Variants in CAPN2 observed in about 807,000 individuals in gnomAD.
CAPN2 encodes the protein calpain 2.
In CAPN2, 92 loss-of-function variants were observed where a neutral mutation model predicts 102.3. The observed-to-expected ratio is 0.90, with a 90% CI of 0.76 to 1.07. The LOEUF (loss-of-function observed/expected upper bound fraction) is 1.07, where lower values mean the gene tolerates loss of function less well. CAPN2 is among the 50% of genes least tolerant of loss of function. The pLI is 0.00. For missense variants in CAPN2, 800 were observed against 909.4 expected (o/e 0.88, Z 1.55); for synonymous variants, 340 against 355.4 (o/e 0.96, Z 0.49).
chr1:223,760,089 C>T (rs771216483), intron 12 of CAPN2, among the ~76,000 whole-genome samples: 5 of 152,200 alleles, frequency 3.3e-5, no homozygotes, highest in African/African-American at 4.8e-5. Flanking sequence ...CATGTATGTT[C>T]AGCTGGGCAC....
chr1:223,711,674 G>A (rs920524350), upstream of CAPN2, among the ~76,000 whole-genome samples: 1 of 152,190 alleles, frequency 6.6e-6, no homozygotes, highest in African/African-American at 2.4e-5. Flanking sequence ...GCAGTGGCGC[G>A]ATCTCGTCTC....
intron 11 of CAPN2, chr1:223,757,615 G>A (rs1257507308): frequency 3.5e-6 from 2 of 569,990 alleles, no homozygotes; most frequent in African/African-American, 1.9e-5. Flanking sequence ...CTGTGACCTG[G>A]CAGAGCCCAT....
intron 2 of CAPN2, among the ~76,000 whole-genome samples, chr1:223,736,842 T>G (rs1050933115): frequency 3.3e-5 from 5 of 152,076 alleles, no homozygotes; most frequent in African/African-American, 1.2e-4. Context: ...ACCAGGAGTT[T>G]GAGACTAGCC....
At chr1:223,710,029 C>T (rs573946266), upstream of CAPN2, among the ~76,000 whole-genome samples, 15 of 152,222 alleles carry the variant, frequency 9.9e-5, no homozygotes, top group East Asian at 1.9e-4. Context: ...AATCCCAACA[C>T]TTTGGGAAGC....
At position 223,761,619 on chromosome 1, in the gene CAPN2, T is replaced by C; in HGVS notation, c.1566+2T>C. Reference sequence around the variant, plus strand: ...GAAATCGAGGCCAATCTTGAAGAGGTATTTGTAACTCTTTGAATTTCACCC... The same window carrying C: ...GAAATCGAGGCCAATCTTGAAGAGGCATTTGTAACTCTTTGAATTTCACCC... On this transcript the variant is annotated splice_donor_variant, in intron 13 of 20. Coordinates refer to ENST00000295006, the MANE Select transcript of CAPN2 (RefSeq NM_001748.5). LOFTEE classifies it high-confidence loss of function. The C allele has an allele frequency of 6.2e-7, 1 of 1,610,308 alleles. No individual in the cohort carries two copies. Among genetic ancestry groups the C allele is most frequent in the East Asian group, 2.2e-5 (1 of 44,820 alleles).
chr1:223,746,235 G>A (rs533685776), intron 4 of CAPN2, among the ~76,000 whole-genome samples: 45 of 152,300 alleles, frequency 3.0e-4, no homozygotes, highest in African/African-American at 1.1e-3. Context: ...CAATACTGGG[G>A]TCAGGGAAGC....
upstream of CAPN2, among the ~76,000 whole-genome samples, chr1:223,710,164 T>C (rs942042502): frequency 6.6e-6 from 1 of 152,046 alleles, no homozygotes; most frequent in Non-Finnish European, 1.5e-5. Flanking sequence ...TAATCCCAGC[T>C]ACGTTGGAGG....
chr1:223,761,583 C>T lies in CAPN2; in HGVS notation c.1532C>T (p.Ala511Val). ...ACATAATTTCCTTCTATTTCCAGAG[C>T]TGTCGATGATGAAATCGAGGCCAAT... ...VFSEKKADYQ[A>V]VDDEIEANLE... is the part of the protein sequence containing the mutation. The change falls in exon 13 of 21, where the codon GCT (alanine) becomes GTT (valine). Residue 511 changes from alanine (A) to valine (V), a missense_variant and splice_region_variant. By Grantham distance (64) the Ala-to-Val change is moderately conservative. Coordinates refer to ENST00000295006, the MANE Select transcript of CAPN2 (RefSeq NM_001748.5). The T allele has an allele frequency of 6.2e-7, 1 of 1,612,484 alleles. No homozygotes were observed. The highest frequency in any genetic ancestry group is 8.5e-7 in the Non-Finnish European group (1 of 1,178,738).
chr1:223,742,526 T>A (rs1402836930), intron 2 of CAPN2, among the ~76,000 whole-genome samples: 1,518 of 117,054 alleles, frequency 0.013, 25 homozygotes, highest in African/African-American at 0.051. Context: ...ATATTTTTTT[T>A]TTTTTTTTTG....
At chr1:223,747,353 T>A (rs1660774599) in intron 5 of CAPN2, among the ~76,000 whole-genome samples, 188 bp downstream of exon 5, 1 of 152,114 alleles carries the variant, frequency 6.6e-6, no homozygotes, top group Non-Finnish European at 1.5e-5. Context: ...AAAGGAAGAC[T>A]AATACAAGAA....
Position 223,764,284 on chromosome 1 carries a change from CTCCA to C in CAPN2, c.1690+79_1690+82del. 3.1e-6 allele frequency: 4 copies of C among 1,281,568 alleles called. No homozygotes were observed. The South Asian group carries it at 4.8e-5, about 15-fold the overall frequency. The allele number at this position is 1,281,568 out of a possible 1,614,324, so 79.4% of individuals were successfully genotyped here. A position where few individuals can be genotyped will look rare whatever the true frequency, so the allele number is the denominator to read the frequency against. The stretch of plus-strand genomic sequence containing the variant: ...GGAGGGAACATGGAAATCTTTCCCC[CTCCA>C]TGTCTGGCTGCTGTGACTAAACCAC... On this transcript the variant is annotated intron_variant, in intron 15 of 20. Coordinates refer to ENST00000295006, the MANE Select transcript of CAPN2 (RefSeq NM_001748.5).
At chr1:223,748,654 C>T (rs902241715) in intron 5 of CAPN2, among the ~76,000 whole-genome samples, 32 of 151,412 alleles carry the variant, frequency 2.1e-4, no homozygotes, top group African/African-American at 7.4e-4. Flanking sequence ...CATCGAGGAC[C>T]CCCTCCGGCC....
chr1:223,719,504 A>C (rs1202358309), intron 2 of CAPN2, among the ~76,000 whole-genome samples: 1 of 152,216 alleles, frequency 6.6e-6, no homozygotes, highest in Non-Finnish European at 1.5e-5. Flanking sequence ...GCACCACTGC[A>C]CTTCAGCCGG....
At position 223,769,798 on chromosome 1, in the gene CAPN2, G is replaced by A. The variant is rs746132819; in HGVS notation, c.1756-43G>A. ...GAAGACAAACTAGGTGACACTATGT[G>A]CAAATGGACCCACACTCAAGGGCTT... On this transcript the variant is annotated intron_variant, in intron 16 of 20. Coordinates refer to ENST00000295006, the MANE Select transcript of CAPN2 (RefSeq NM_001748.5). The A allele has an allele frequency of 1.9e-5, 28 of 1,492,670 alleles. 1 individual carries two copies. The East Asian group carries it at 6.1e-4, about 32-fold the overall frequency. The allele number at this position is 1,492,670 out of a possible 1,614,324, so 92.5% of individuals were successfully genotyped here. A position where few individuals can be genotyped will look rare whatever the true frequency, so the allele number is the denominator to read the frequency against.
rs1316204123 is a variant in CAPN2 at position 223,775,020 on chromosome 1, G to T, written c.*163G>T. On this transcript the variant is annotated 3_prime_UTR_variant, in exon 21 of 21. Coordinates refer to ENST00000295006, the MANE Select transcript of CAPN2 (RefSeq NM_001748.5). Reference sequence around the variant, plus strand: ...ATGATACTGTCAATTTGAGATAGCAGAAGTTTCACACATCAAAGTAAAAGA... The same window carrying T: ...ATGATACTGTCAATTTGAGATAGCATAAGTTTCACACATCAAAGTAAAAGA... 1.5e-6 allele frequency: 1 copy of T among 650,774 alleles called. No homozygotes were observed. The highest frequency in any genetic ancestry group is 2.8e-5 in the Admixed American group (1 of 35,368). 40.3% of individuals were successfully genotyped at this position (650,774 alleles called of 1,614,324 possible). A position where few individuals can be genotyped will look rare whatever the true frequency, so the allele number is the denominator to read the frequency against.
chr1:223,775,155 G>T lies in CAPN2; in HGVS notation c.*298G>T. 1 of 321,922 alleles carries T rather than the reference G, an allele frequency of 3.1e-6. No homozygotes were observed. Among genetic ancestry groups the T allele is most frequent in the Non-Finnish European group, 5.6e-6 (1 of 177,480 alleles). The allele number at this position is 321,922 out of a possible 1,614,324, so 19.9% of individuals were successfully genotyped here. ...ACTTTTTACTTTTACACACTTTCCT[G>T]TTCATAGCAATATTAAATCAGGAAA... On this transcript the variant is annotated 3_prime_UTR_variant, in exon 21 of 21. Transcript: ENST00000295006.
At chr1:223,766,583 C>T (rs186781116) in intron 16 of CAPN2, 152 bp downstream of exon 16, 2 of 646,740 alleles carry the variant, frequency 3.1e-6, no homozygotes, top group African/African-American at 3.6e-5. Context: ...CGCTGACCTC[C>T]CTTACTAGGG....
chr1:223,723,376 A>G (rs1259627360), intron 2 of CAPN2, among the ~76,000 whole-genome samples: 2 of 152,212 alleles, frequency 1.3e-5, no homozygotes, highest in African/African-American at 4.8e-5. Context: ...TTTAAAGACT[A>G]GCAAATAGAT....
intron 10 of CAPN2, 94 bp from the exon 11 acceptor site, chr1:223,757,275 A>G: frequency 1.5e-6 from 2 of 1,367,796 alleles, no homozygotes; most frequent in East Asian, 2.3e-5. Context: ...CTAATGCTAC[A>G]GAGAAAACGG....
Sources: allele counts gnomAD v4.1 joint callset (sites outside exome capture counted in the v4.1 genomes callset), GRCh38; gene constraint gnomAD v4.1.1; transcripts MANE v1.5; gene names NCBI Gene and HGNC (gene_info 2026-07-23, HGNC 2026-07-21).